Variants in LRRC9 observed in about 807,000 individuals in gnomAD.
The protein encoded by LRRC9 is leucine-rich repeat-containing protein 9.
LRRC9 carries 122 observed loss-of-function variants against 63.2 expected under a neutral mutation model. The observed-to-expected ratio is 1.93, with a 90% CI of 1.67 to 2.24. The LOEUF is 2.24. Ranked by LOEUF, LRRC9 falls within the 30% of genes most tolerant of loss-of-function variation. The pLI, the probability that LRRC9 is intolerant of heterozygous loss-of-function variation, is 0.00. For missense variants in LRRC9, 1,071 were observed against 627.7 expected (o/e 1.71, Z -7.55); for synonymous variants, 366 against 213.1 (o/e 1.72, Z -6.25).
chr14:59,938,622 C>G lies in LRRC9; in HGVS notation c.726+50C>G, dbSNP rs767019206. ...CTGTGATTTCAGTTTTATTAGTTAA[C>G]GGCTTCTTTCTGGCCATGTCCACAT... On this transcript the variant is annotated intron_variant, in intron 7 of 31. Coordinates refer to ENST00000445360, the Ensembl canonical transcript of LRRC9. This position sits in a 1 kb window ranked among gnomAD's most constrained non-coding sequence, Gnocchi z 4.2. The G allele has an allele frequency of 2.3e-5, 14 of 621,806 alleles. No homozygotes were observed. Among genetic ancestry groups the G allele is most frequent in the Non-Finnish European group, 3.7e-5 (13 of 348,332 alleles). 38.5% of individuals were successfully genotyped at this position (621,806 alleles called of 1,614,324 possible).
At chr14:59,939,028 T>A (rs560992582) in intron 7 of LRRC9, among the ~76,000 whole-genome samples, 1 of 147,778 alleles carries the variant, frequency 6.8e-6, no homozygotes, top group Non-Finnish European at 1.5e-5. Flanking sequence ...TATATATACA[T>A]ATATACACAT....
chr14:59,955,190 A>G (rs558504923), intron 8 of LRRC9, among the ~76,000 whole-genome samples: 6 of 151,982 alleles, frequency 3.9e-5, no homozygotes, highest in Admixed American at 1.3e-4. Context: ...CTCTTTTTCT[A>G]TTGTTTGGAA....
At chr14:59,979,301 T>C (rs1350371178) in intron 15 of LRRC9, among the ~76,000 whole-genome samples, 1 of 152,154 alleles carries the variant, frequency 6.6e-6, no homozygotes, top group Non-Finnish European at 1.5e-5. Context: ...ATATTTTCTG[T>C]CACTTGCCTT....
intron 12 of LRRC9, 109 bp from the exon 13 acceptor site, chr14:59,974,467 G>A (rs377608318): frequency 4.6e-5 from 20 of 431,528 alleles, no homozygotes; most frequent in African/African-American, 3.5e-4. Context: ...AGTCCGGCCT[G>A]CAGATTTCTT....
At chr14:59,963,104 T>C (rs544299720) in intron 10 of LRRC9, among the ~76,000 whole-genome samples, 50 of 152,314 alleles carry the variant, frequency 3.3e-4, no homozygotes, top group Non-Finnish European at 5.3e-4. Context: ...ACTTCTCCTA[T>C]TAATATTTTT....
In LRRC9 at chr14:59,962,536, T is replaced by C. The variant is rs1039625148; in HGVS notation, c.1211+1491T>C. Among the ~76,000 whole-genome samples, 1 of 151,938 alleles carries C rather than the reference T, an allele frequency of 6.6e-6. No homozygotes were observed. The highest frequency in any genetic ancestry group is 1.5e-5 in the Non-Finnish European group (1 of 67,998). Reference sequence around the variant, plus strand: ...CTCCTGCCTCAGACTCCCGAGTAGCTAAGATTATAGGTGCATGCCACCACA... The same window carrying C: ...CTCCTGCCTCAGACTCCCGAGTAGCCAAGATTATAGGTGCATGCCACCACA... On this transcript the variant is annotated intron_variant, in intron 10 of 31. Transcript: ENST00000445360. The surrounding 1 kb of genome is among the most constrained non-coding windows in gnomAD (Gnocchi z 5.1).
At chr14:59,926,518 G>C (rs1339819884) in intron 1 of LRRC9, among the ~76,000 whole-genome samples, 1 of 151,930 alleles carries the variant, frequency 6.6e-6, no homozygotes, top group Non-Finnish European at 1.5e-5. Flanking sequence ...ACACATCATA[G>C]GTATCTAATT....
At chr14:59,935,364 AACATGTTACTC>A (rs1286047974) in intron 6 of LRRC9, among the ~76,000 whole-genome samples, 1 of 152,122 alleles carries the variant, frequency 6.6e-6, no homozygotes, top group Non-Finnish European at 1.5e-5. Context: ...ACATTTTATA[AACATGTTACTC>A]TGTGCTAGAA....
chr14:59,970,551 G>A lies in LRRC9; in HGVS notation c.1506+3338G>A, dbSNP rs1358121722. ...GAACCAATTTACACTTCCATCAACAGTGTATAAGCATTCCTTTTTCTCCAC... is the reference window on the plus strand; with the variant it reads ...GAACCAATTTACACTTCCATCAACAATGTATAAGCATTCCTTTTTCTCCAC... On this transcript the variant is annotated intron_variant, in intron 12 of 31. Coordinates refer to ENST00000445360, the Ensembl canonical transcript of LRRC9. Among the ~76,000 whole-genome samples, 3 of 152,164 alleles carry A rather than the reference G, an allele frequency of 2.0e-5. No homozygotes were observed. The East Asian group carries it at 5.8e-4, about 29-fold the overall frequency.
chr14:59,971,346 T>C (rs531624465), intron 12 of LRRC9, among the ~76,000 whole-genome samples: 39 of 152,126 alleles, frequency 2.6e-4, no homozygotes, highest in Non-Finnish European at 4.6e-4. Context: ...TGTAGTGTAG[T>C]TTGAAGTTGG....
chr14:59,936,937 G>C lies in LRRC9; in HGVS notation c.544-1453G>C, dbSNP rs543646285. Among the ~76,000 whole-genome samples the C allele has an allele frequency of 1.3e-5, 2 of 152,160 alleles. No homozygotes were observed. Among genetic ancestry groups the C allele is most frequent in the South Asian group, 4.1e-4 (2 of 4,824 alleles). ...CTTCCTTTGGATTTCCCTTAACTCTGATTCTGATTTTTCTAGCTAGCATTG... is the reference window on the plus strand; with the variant it reads ...CTTCCTTTGGATTTCCCTTAACTCTCATTCTGATTTTTCTAGCTAGCATTG... On this transcript the variant is annotated intron_variant, in intron 6 of 31. Transcript: ENST00000445360. This position sits in a 1 kb window ranked among gnomAD's most constrained non-coding sequence, Gnocchi z 4.2.
chr14:60,064,604 T>G (rs1320777023), downstream of LRRC9, among the ~76,000 whole-genome samples: 1 of 152,240 alleles, frequency 6.6e-6, no homozygotes, highest in Non-Finnish European at 1.5e-5. Flanking sequence ...CTTTGTAATG[T>G]GTGGTTTTTA....
intron 27 of LRRC9, among the ~76,000 whole-genome samples, chr14:60,023,882 T>C (rs1891311931): frequency 6.6e-6 from 1 of 152,114 alleles, no homozygotes; most frequent in African/African-American, 2.4e-5. Flanking sequence ...CACTTATGAG[T>C]GAGAACATGC....
rs1888958870 is a variant in LRRC9 at position 59,923,660 on chromosome 14, G to A, written c.-34+3777G>A. Among the ~76,000 whole-genome samples the A allele has an allele frequency of 6.6e-6, 1 of 152,218 alleles. No individual in the cohort carries two copies. The highest frequency in any genetic ancestry group is 2.1e-4 in the South Asian group (1 of 4,828). On this transcript the variant is annotated intron_variant, in intron 1 of 31. Transcript: ENST00000445360. This position sits in a 1 kb window ranked among gnomAD's most constrained non-coding sequence, Gnocchi z 4.2. ...AATTAAAACAGATACAGTCAGGCGA[G>A]GTGGCTCACGCCTGTAGGCTCACGC...
chr14:60,005,084 G>T lies in LRRC9; in HGVS notation c.2842+1286G>T, dbSNP rs528955635. Among the ~76,000 whole-genome samples, 27 of 152,090 alleles carry T rather than the reference G, an allele frequency of 1.8e-4. No homozygotes were observed. The South Asian group carries it at 2.7e-3, about 15-fold the overall frequency. ...GCATTTTTCATAAAATAGAAGATTT[G>T]ATTTCACAAAATTATATATATAAAA... On this transcript the variant is annotated intron_variant, in intron 21 of 31. Transcript: ENST00000445360.
intron 8 of LRRC9, among the ~76,000 whole-genome samples, chr14:59,955,578 T>C (rs1483156587): frequency 6.6e-6 from 1 of 152,122 alleles, no homozygotes; most frequent in Non-Finnish European, 1.5e-5. Context: ...GTTGTTGATC[T>C]TTTCAAAAAA....
chr14:59,987,254 A>G (rs1269352819), intron 17 of LRRC9, among the ~76,000 whole-genome samples: 3 of 151,544 alleles, frequency 2.0e-5, no homozygotes, highest in East Asian at 3.9e-4. Flanking sequence ...AACCAAATGT[A>G]CATCCCTAGC....
rs1200318615 is a variant in LRRC9, at chr14:59,923,905, CACTGT to C, written c.-33-4002_-33-3998del. Among the ~76,000 whole-genome samples, 1 of 152,164 alleles carries C rather than the reference CACTGT, an allele frequency of 6.6e-6. No individual in the cohort carries two copies. Among genetic ancestry groups the C allele is most frequent in the African/African-American group, 2.4e-5 (1 of 41,444 alleles). On this transcript the variant is annotated intron_variant, in intron 1 of 31. Transcript: ENST00000445360. This position sits in a 1 kb window ranked among gnomAD's most constrained non-coding sequence, Gnocchi z 4.2. ...GCAGTGAGCTGAGATCGCGCCACTG[CACTGT>C]ACTCCAGCCTGGGAGACAGAGCAAG...
intron 16 of LRRC9, among the ~76,000 whole-genome samples, chr14:59,984,377 T>C (rs900232844): frequency 6.6e-6 from 1 of 152,230 alleles, no homozygotes; most frequent in Non-Finnish European, 1.5e-5. Context: ...CTTGATACTG[T>C]AGTCAGTTGC....
Sources: gnomAD v4.1 joint callset for allele counts (sites outside exome capture counted in the v4.1 genomes callset) on GRCh38, gnomAD v4.1.1 for gene constraint, Gnocchi (gnomAD v3.1) non-coding constraint, MANE v1.5 for transcripts, NCBI Gene and HGNC (gene_info 2026-07-23, HGNC 2026-07-21) for gene names.